Variants in SH3RF2 observed in about 807,000 individuals in gnomAD.
The protein encoded by SH3RF2 is E3 ubiquitin-protein ligase SH3RF2.
SH3RF2 carries 43 observed loss-of-function variants against 59.0 expected under a neutral mutation model. The ratio of observed to expected loss-of-function variants is 0.73; its 90% CI spans 0.57 to 0.94. The LOEUF is 0.94. SH3RF2 is among the 40% of genes least tolerant of loss of function. The pLI is 0.00. For synonymous variants in SH3RF2, 391 were observed against 391.5 expected, an observed-to-expected ratio of 1.00 and a Z score of 0.01; for missense variants, 930 against 940.1, an observed-to-expected ratio of 0.99 and a Z score of 0.14.
intron 7 of SH3RF2, among the ~76,000 whole-genome samples, chr5:146,051,063 C>T (rs1762478886): frequency 6.6e-6 from 1 of 152,132 alleles, no homozygotes; most frequent in South Asian, 2.1e-4. Flanking sequence ...GGTGAAACCT[C>T]ATCTCTACTA....
Position 146,013,955 on chromosome 5 carries a change from G to A in SH3RF2, c.953G>A (p.Arg318His), listed in dbSNP as rs778124192. Residue 318 changes from arginine (R) to histidine (H), a missense_variant, in exon 5 of 10, where the codon CGC becomes CAC. By Grantham distance (29) the Arg-to-His change is conservative. Transcript: ENST00000359120. ...LNRMVHSPSG[R>H]HMVEISTPVL... is the part of the protein sequence containing the mutation. Reference sequence around the variant, plus strand: ...CGGATGGTCCATTCTCCTTCAGGGCGCCATATGGTAGAGATCAGCACCCCA... The same window carrying A: ...CGGATGGTCCATTCTCCTTCAGGGCACCATATGGTAGAGATCAGCACCCCA... The A allele has an allele frequency of 1.5e-5, 25 of 1,613,912 alleles. No homozygotes were observed. The highest frequency in any genetic ancestry group is 6.7e-5 in the East Asian group (3 of 44,876).
intron 5 of SH3RF2, among the ~76,000 whole-genome samples, chr5:146,045,152 C>T (rs1318719963): frequency 3.3e-5 from 5 of 152,316 alleles, no homozygotes; most frequent in African/African-American, 1.2e-4. Context: ...AGGGGTTTAA[C>T]CTTCCCCAAT....
At position 146,046,597 on chromosome 5, in the gene SH3RF2, C is replaced by T. The variant is rs148109936; in HGVS notation, c.1060-1175C>T. On this transcript the variant is annotated intron_variant, in intron 5 of 9. Transcript: ENST00000359120. ...TCCTTTGTTCTTTAAGCTACAAGTACGTATTGAGCATGCAGAAATACAATG... is the reference window on the plus strand; with the variant it reads ...TCCTTTGTTCTTTAAGCTACAAGTATGTATTGAGCATGCAGAAATACAATG... Among the ~76,000 whole-genome samples the T allele has an allele frequency of 9.7e-3, 1,482 of 152,186 alleles. 11 individuals are homozygous for T. The highest frequency in any genetic ancestry group is 0.031 in the Middle Eastern group (9 of 294).
intron 2 of SH3RF2, among the ~76,000 whole-genome samples, chr5:145,956,354 CA>C (rs1478810573): frequency 1.2e-4 from 18 of 152,314 alleles, no homozygotes; most frequent in African/African-American, 4.3e-4. Context: ...CAGCTCGCTG[CA>C]ACCTCCACCT....
chr5:146,063,603 T>C (rs761155147), downstream of SH3RF2, among the ~76,000 whole-genome samples: 2 of 152,204 alleles, frequency 1.3e-5, no homozygotes, highest in Non-Finnish European at 2.9e-5. Flanking sequence ...CTCATGCCTA[T>C]AATCCTGGCA....
downstream of SH3RF2, among the ~76,000 whole-genome samples, chr5:146,067,833 C>T (rs1266506651): frequency 6.6e-6 from 1 of 152,196 alleles, no homozygotes; most frequent in African/African-American, 2.4e-5. Flanking sequence ...CTCTACCATC[C>T]AGCACCTAAA....
intron 8 of SH3RF2, among the ~76,000 whole-genome samples, chr5:146,056,761 C>G (rs185783030): frequency 1.9e-4 from 29 of 152,316 alleles, no homozygotes; most frequent in African/African-American, 6.7e-4. Context: ...ATCCTTAACC[C>G]TGAGTCCCAA....
chr5:145,987,803 C>G (rs1334718404), intron 2 of SH3RF2, among the ~76,000 whole-genome samples: 1 of 152,200 alleles, frequency 6.6e-6, no homozygotes, highest in Non-Finnish European at 1.5e-5. Context: ...GAAGCTATAA[C>G]AGCAGGCCTA....
At chr5:145,993,885 C>T (rs778835024) in intron 2 of SH3RF2, among the ~76,000 whole-genome samples, 2 of 152,214 alleles carry the variant, frequency 1.3e-5, no homozygotes, top group Non-Finnish European at 2.9e-5. Flanking sequence ...CAGCCTGCAG[C>T]GGGCTTCAAT....
chr5:146,076,096 C>T (rs562253697), intron 9 of SH3RF2, among the ~76,000 whole-genome samples: 1 of 152,266 alleles, frequency 6.6e-6, no homozygotes, highest in Non-Finnish European at 1.5e-5. Context: ...TTTAGCACAA[C>T]CTGGAAGGTC....
Position 146,060,022 on chromosome 5 carries a change from G to A in SH3RF2, c.1712G>A (p.Gly571Glu). 4 of 1,607,520 alleles carry A rather than the reference G, an allele frequency of 2.5e-6. No individual in the cohort carries two copies. The highest frequency in any genetic ancestry group is 3.4e-6 in the Non-Finnish European group (4 of 1,176,824). ...CCCTCAGCCGTGGTGGTGGAGATGG[G>A]GTCCAAGCCTGCCCTCACGGGGGAG... Reference protein sequence around the residue: ...SSPSAVVVEMGSKPALTGEPA... With the variant: ...SSPSAVVVEMESKPALTGEPA... The change falls in exon 9 of 10, where the codon GGG becomes GAG. Residue 571 changes from glycine to glutamate, a missense_variant. By Grantham distance (98) the Gly-to-Glu change is moderately conservative. Transcript: ENST00000359120.
intron 4 of SH3RF2, among the ~76,000 whole-genome samples, chr5:146,005,981 T>A (rs1393482379): frequency 1.3e-5 from 2 of 152,130 alleles, no homozygotes; most frequent in African/African-American, 4.8e-5. Flanking sequence ...CCTAAACATA[T>A]GTTTAATTAT....
At chr5:145,945,802 C>T (rs1236626246) in intron 2 of SH3RF2, among the ~76,000 whole-genome samples, 1 of 152,124 alleles carries the variant, frequency 6.6e-6, no homozygotes, top group Non-Finnish European at 1.5e-5. Flanking sequence ...AGCCCTCATG[C>T]CAGACTTGTT....
intron 5 of SH3RF2, among the ~76,000 whole-genome samples, chr5:146,023,065 A>G (rs1761389403): frequency 6.6e-6 from 1 of 151,882 alleles, no homozygotes; most frequent in Non-Finnish European, 1.5e-5. Flanking sequence ...TTTATTCTAC[A>G]TATCCCTCCT....
At chr5:146,052,563 A>C (rs1762536899) in intron 7 of SH3RF2, among the ~76,000 whole-genome samples, 1 of 152,188 alleles carries the variant, frequency 6.6e-6, no homozygotes, top group South Asian at 2.1e-4. Context: ...CAGGAAGAAC[A>C]AGTGCCTATT....
At chr5:146,032,665 C>T (rs758713905) in intron 5 of SH3RF2, among the ~76,000 whole-genome samples, 19 of 152,156 alleles carry the variant, frequency 1.2e-4, no homozygotes, top group Non-Finnish European at 2.4e-4. Flanking sequence ...AACCTCAGCT[C>T]AGGGCCAAAG....
chr5:145,985,086 G>A (rs1048294918), intron 2 of SH3RF2, among the ~76,000 whole-genome samples: 3 of 152,096 alleles, frequency 2.0e-5, no homozygotes, highest in Admixed American at 6.5e-5. Context: ...AGCCCAGGAG[G>A]ACCAGGCTTC....
At chr5:146,027,406 G>A (rs1761567152) in intron 5 of SH3RF2, among the ~76,000 whole-genome samples, 1 of 152,170 alleles carries the variant, frequency 6.6e-6, no homozygotes, top group Non-Finnish European at 1.5e-5. Context: ...AATCCTAGTT[G>A]CCAAAGCCCC....
intron 2 of SH3RF2, among the ~76,000 whole-genome samples, chr5:145,968,312 GACTT>G (rs1159968887): frequency 6.6e-6 from 1 of 152,048 alleles, no homozygotes; most frequent in Non-Finnish European, 1.5e-5. Flanking sequence ...CATGAATAGA[GACTT>G]AATTAAATAA....
Sources: gnomAD v4.1 joint callset for allele counts (sites outside exome capture counted in the v4.1 genomes callset) on GRCh38, gnomAD v4.1.1 for gene constraint, MANE v1.5 for transcripts, NCBI Gene and HGNC (gene_info 2026-07-23, HGNC 2026-07-21) for gene names.